The following TMEM225 variants were observed in gnomAD, a reference collection of about 807,000 sequenced individuals.
TMEM225 encodes the protein transmembrane protein 225.
In TMEM225, 10 loss-of-function variants were observed where a neutral mutation model predicts 17.6. That is an observed-to-expected ratio of 0.57 (90% CI 0.35 to 0.96). The LOEUF is 0.96. Ranked by LOEUF, TMEM225 falls within the 40% of genes least tolerant of loss-of-function variation. The pLI is 0.02. For missense variants in TMEM225, 245 were observed against 271.5 expected, an observed-to-expected ratio of 0.90 and a Z score of 0.69; for synonymous variants, 101 against 94.5, an observed-to-expected ratio of 1.07 and a Z score of -0.40.
rs780829965 is a variant in TMEM225, at chr11:123,884,520, G to A, written c.298C>T (p.Leu100Phe). Residue 100 changes from leucine to phenylalanine, a missense_variant, in exon 2 of 4, where the codon CTC (leucine) becomes TTC (phenylalanine). Leu to Phe is a conservative substitution (Grantham distance 22). Coordinates refer to ENST00000375026, the MANE Select transcript of TMEM225 (RefSeq NM_001013743.3). ...YLIPQNKYIQ[L>F]FTTILSFFSG... ...AAGAAACTGAGGATGGTAGTGAAGA[G>A]TTGTATATATTTATTTTGAGGAATC... 3 of 1,612,852 alleles carry A rather than the reference G, an allele frequency of 1.9e-6. No individual in the cohort carries two copies. The highest frequency in any genetic ancestry group is 2.5e-6 in the Non-Finnish European group (3 of 1,179,390).
Position 123,883,034 on chromosome 11 carries a change from C to T in TMEM225, c.*104G>A. On this transcript the variant is annotated 3_prime_UTR_variant, in exon 4 of 4. Coordinates refer to ENST00000375026, the MANE Select transcript of TMEM225 (RefSeq NM_001013743.3). ...ATCTTCCAGATCTTTTTACAAACCC[C>T]AACCATAATTCCAAATAGAGACAAC... 1 of 969,910 alleles carries T rather than the reference C, an allele frequency of 1.0e-6. No individual in the cohort carries two copies. Among genetic ancestry groups the T allele is most frequent in the Non-Finnish European group, 1.5e-6 (1 of 649,268 alleles). The allele number at this position is 969,910 out of a possible 1,614,324, so 60.1% of individuals were successfully genotyped here.
Position 123,884,107 on chromosome 11 carries a change from G to C in TMEM225, c.431C>G (p.Ala144Gly). 6.2e-7 allele frequency: 1 copy of C among 1,610,130 alleles called. No individual in the cohort carries two copies. Among genetic ancestry groups the C allele is most frequent in the Non-Finnish European group, 8.5e-7 (1 of 1,178,638 alleles). The change falls in exon 3 of 4, where the codon GCT (alanine) becomes GGT (glycine). Residue 144 changes from alanine to glycine, a missense_variant. By Grantham distance (60) the Ala-to-Gly change is moderately conservative. Coordinates refer to ENST00000375026, the MANE Select transcript of TMEM225 (RefSeq NM_001013743.3). ...SYRITWIMYT[A>G]YLNVFFLSVC... ...AGACAAGAAGAAAACATTTAAGTAA[G>C]CAGTATACATGATCCAGGTGATCCT...
chr11:123,884,530 T>C lies in TMEM225; in HGVS notation c.288A>G (p.Lys96=), dbSNP rs778457837. 4 of 1,613,098 alleles carry C rather than the reference T, an allele frequency of 2.5e-6. No individual in the cohort carries two copies. The South Asian group carries it at 4.4e-5, about 18-fold the overall frequency. The change falls in exon 2 of 4, where the codon AAA becomes AAG. Residue 96 remains lysine (K), a synonymous_variant. Coordinates refer to ENST00000375026, the MANE Select transcript of TMEM225 (RefSeq NM_001013743.3). The part of the protein sequence containing the change: ...MKFTYLIPQN[K]YIQLFTTILS... ...GGATGGTAGTGAAGAGTTGTATATA[T>C]TTATTTTGAGGAATCAGATAGGTGA...
chr11:123,883,883 G>A (rs1862999603), intron 3 of TMEM225, among the ~76,000 whole-genome samples, 192 bp downstream of exon 3: 1 of 152,110 alleles, frequency 6.6e-6, no homozygotes, highest in East Asian at 1.9e-4. Context: ...GCCAGGCACA[G>A]CAGACATCTC....
intron 2 of TMEM225, 28 bp from the exon 3 acceptor site, chr11:123,884,237 A>G (rs748756551): frequency 2.0e-5 from 31 of 1,552,922 alleles, no homozygotes; most frequent in Admixed American, 4.4e-5. Context: ...AAAAAAAAAA[A>G]AAAAGAAAAA....
In TMEM225 at chr11:123,883,257, A is replaced by G; in HGVS notation, c.559T>C (p.Ser187Pro). ...TCTGGTAATGAAATATCTTCGATAG[A>G]ATTCTCAGATTCCTTACATTCGTTG... ...SDNECKESEN[S>P]IEDISLPECT... Residue 187 changes from serine to proline, a missense_variant, in exon 4 of 4, where the codon TCT (serine) becomes CCT (proline). Coordinates refer to ENST00000375026, the MANE Select transcript of TMEM225 (RefSeq NM_001013743.3). The G allele has an allele frequency of 6.2e-7, 1 of 1,613,392 alleles. No individual in the cohort carries two copies. The highest frequency in any genetic ancestry group is 1.3e-5 in the African/African-American group (1 of 75,004).
rs746548999 is a variant in TMEM225 at position 123,884,147 on chromosome 11, G to T, written c.391C>A (p.His131Asn). The T allele has an allele frequency of 6.2e-7, 1 of 1,609,612 alleles. No individual in the cohort carries two copies. Among genetic ancestry groups the T allele is most frequent in the Non-Finnish European group, 8.5e-7 (1 of 1,178,914 alleles). The change falls in exon 3 of 4, where the codon CAC (histidine) becomes AAC (asparagine). Residue 131 changes from histidine to asparagine, a missense_variant. Coordinates refer to ENST00000375026, the MANE Select transcript of TMEM225 (RefSeq NM_001013743.3). Reference protein sequence around the residue: ...HNKLKQGQSMHFSSYRITWIM... With the variant: ...HNKLKQGQSMNFSSYRITWIM... ...CAGGTGATCCTATAACTAGAGAAGTGCATGGATTGACCTTGCTTCAGCTTA... is the reference window on the plus strand; with the variant it reads ...CAGGTGATCCTATAACTAGAGAAGTTCATGGATTGACCTTGCTTCAGCTTA...
chr11:123,884,222 C>CAAAAA lies in TMEM225; in HGVS notation c.329-18_329-14dup, dbSNP rs61366176. The CAAAAA allele has an allele frequency of 2.9e-3, 3,521 of 1,234,580 alleles. No homozygotes were observed. The highest frequency in any genetic ancestry group is 0.013 in the South Asian group (650 of 49,146). The allele number at this position is 1,234,580 out of a possible 1,614,324, so 76.5% of individuals were successfully genotyped here. A position where few individuals can be genotyped will look rare whatever the true frequency, so the allele number is the denominator to read the frequency against. On this transcript the variant is annotated splice_polypyrimidine_tract_variant and intron_variant, in intron 2 of 3. Transcript: ENST00000375026. ...AGCAGAGAGATACCTGATGTCCAGA[C>CAAAAA]AAAAAAAAAAAAAAAAAAAGAAAAA... is the stretch of plus-strand genomic sequence containing the variant.
chr11:123,884,430 G>A, intron 2 of TMEM225, 60 bp downstream of exon 2: 1 of 1,500,378 alleles, frequency 6.7e-7, no homozygotes, highest in East Asian at 2.3e-5. Context: ...AGAGACTGCA[G>A]CCTGAACCCA....
chr11:123,883,371 A>G lies in TMEM225; in HGVS notation c.464-19T>C, dbSNP rs61908536. On this transcript the variant is annotated intron_variant, in intron 3 of 3. Transcript: ENST00000375026. Reference sequence around the variant, plus strand: ...AGGACTCCTAGGGAAAAGAGATTCCAGGGAGTGGGATGAAGGGACAATGGA... The same window carrying G: ...AGGACTCCTAGGGAAAAGAGATTCCGGGGAGTGGGATGAAGGGACAATGGA... 185,915 of 1,566,708 alleles carry G rather than the reference A, an allele frequency of 0.12. 11,712 individuals are homozygous for G. Among genetic ancestry groups the G allele is most frequent in the Middle Eastern group, 0.15 (866 of 5,930 alleles).
Position 123,885,495 on chromosome 11 carries a change from AC to A in TMEM225, c.-71del. ...GATCTCTTCCTTGATTTGATTAGTT[AC>A]AAGAAGGGTGATATCTGAACTTTCA... On this transcript the variant is annotated 5_prime_UTR_variant, in exon 1 of 4. The change abolishes the stop of an existing upstream ORF in the 5' untranslated region. Transcript: ENST00000375026. The A allele has an allele frequency of 4.1e-6, 6 of 1,446,100 alleles. No individual in the cohort carries two copies. The highest frequency in any genetic ancestry group is 3.8e-6 in the Non-Finnish European group (4 of 1,055,004). 89.6% of individuals were successfully genotyped at this position (1,446,100 alleles called of 1,614,324 possible).
At position 123,883,009 on chromosome 11, in the gene TMEM225, A is replaced by G. The variant is rs1338912731; in HGVS notation, c.*129T>C. 8 of 697,020 alleles carry G rather than the reference A, an allele frequency of 1.1e-5. No homozygotes were observed. The highest frequency in any genetic ancestry group is 3.6e-5 in the African/African-American group (2 of 55,550). 43.2% of individuals were successfully genotyped at this position (697,020 alleles called of 1,614,324 possible). On this transcript the variant is annotated 3_prime_UTR_variant, in exon 4 of 4. Coordinates refer to ENST00000375026, the MANE Select transcript of TMEM225 (RefSeq NM_001013743.3). Reference sequence around the variant, plus strand: ...GCAGGCCAGGATTTTTTAAAAAACCATCTTCCAGATCTTTTTACAAACCCC... The same window carrying G: ...GCAGGCCAGGATTTTTTAAAAAACCGTCTTCCAGATCTTTTTACAAACCCC...
chr11:123,883,041 A>G lies in TMEM225; in HGVS notation c.*97T>C. On this transcript the variant is annotated 3_prime_UTR_variant, in exon 4 of 4. Transcript: ENST00000375026. Reference sequence around the variant, plus strand: ...AGATCTTTTTACAAACCCCAACCATAATTCCAAATAGAGACAACATGGTTG... The same window carrying G: ...AGATCTTTTTACAAACCCCAACCATGATTCCAAATAGAGACAACATGGTTG... The G allele has an allele frequency of 9.7e-7, 1 of 1,033,372 alleles. No homozygotes were observed. Among genetic ancestry groups the G allele is most frequent in the Non-Finnish European group, 1.4e-6 (1 of 698,274 alleles). 64.0% of individuals were successfully genotyped at this position (1,033,372 alleles called of 1,614,324 possible).
chr11:123,885,259 G>C lies in TMEM225; in HGVS notation c.167C>G (p.Ala56Gly), dbSNP rs753406271. Residue 56 changes from alanine (A) to glycine (G), a missense_variant, in exon 1 of 4, where the codon GCT becomes GGT. By Grantham distance (60) the Ala-to-Gly change is moderately conservative (BLOSUM62 0). Coordinates refer to ENST00000375026, the MANE Select transcript of TMEM225 (RefSeq NM_001013743.3). ...ACAGTTCTGACCTTCTGGCCAAAGA[G>C]CAGGGCAACACATCATCCAAGGACT... ...NHSPWMMCCP[A>G]LWPEDDLKVV... 6 of 1,613,196 alleles carry C rather than the reference G, an allele frequency of 3.7e-6. No individual in the cohort carries two copies. Among genetic ancestry groups the C allele is most frequent in the Non-Finnish European group, 5.1e-6 (6 of 1,179,510 alleles).
rs370899900 is a variant in TMEM225, at chr11:123,883,235, G to A, written c.581C>T (p.Pro194Leu). 1.1e-5 allele frequency: 17 copies of A among 1,613,142 alleles called. No homozygotes were observed. The African/African-American group carries it at 1.3e-4, about 13-fold the overall frequency. ...GCTACGAGGCATTGCAGTGCATTCT[G>A]GTAATGAAATATCTTCGATAGAATT... ...SENSIEDISL[P>L]ECTAMPRSIV... The change falls in exon 4 of 4, where the codon CCA (proline) becomes CTA (leucine). Residue 194 changes from proline to leucine, a missense_variant. Physicochemically the swap from Pro to Leu is moderately conservative, Grantham distance 98 (BLOSUM62 -3). Coordinates refer to ENST00000375026, the MANE Select transcript of TMEM225 (RefSeq NM_001013743.3).
chr11:123,884,489 C>G lies in TMEM225; in HGVS notation c.328+1G>C. On this transcript the variant is annotated splice_donor_variant, in intron 2 of 3. Transcript: ENST00000375026. LOFTEE classifies it high-confidence loss of function. Reference sequence around the variant, plus strand: ...TTGTGTTAGGGGAGCCAGGAAGTTACCTGAGAAGAAACTGAGGATGGTAGT... The same window carrying G: ...TTGTGTTAGGGGAGCCAGGAAGTTAGCTGAGAAGAAACTGAGGATGGTAGT... The G allele has an allele frequency of 6.2e-7, 1 of 1,608,230 alleles. No individual in the cohort carries two copies. Among genetic ancestry groups the G allele is most frequent in the Non-Finnish European group, 8.5e-7 (1 of 1,177,372 alleles).
rs997695843 is a variant in TMEM225, at chr11:123,884,713, C to G, written c.182-77G>C. On this transcript the variant is annotated intron_variant, in intron 1 of 3. Coordinates refer to ENST00000375026, the MANE Select transcript of TMEM225 (RefSeq NM_001013743.3). ...ATTTCTACCTGGGGTCCAGAAGTCT[C>G]TAGGTGAAAATTGGAATAGGGTGAA... The G allele has an allele frequency of 6.3e-6, 9 of 1,422,512 alleles. No individual in the cohort carries two copies. The Admixed American group carries it at 1.2e-4, about 19-fold the overall frequency. 88.1% of individuals were successfully genotyped at this position (1,422,512 alleles called of 1,614,324 possible). A position where few individuals can be genotyped will look rare whatever the true frequency, so the allele number is the denominator to read the frequency against.
rs1410648432 is a variant in TMEM225, at chr11:123,883,116, C to G, written c.*22G>C. 6.2e-7 allele frequency: 1 copy of G among 1,602,862 alleles called. No individual in the cohort carries two copies. The highest frequency in any genetic ancestry group is 8.5e-7 in the Non-Finnish European group (1 of 1,170,336). ...CTTTTTCCATAAAGATGAGCATATA[C>G]TGCAAGAAATAGATTGCCAAATCAC... is the stretch of plus-strand genomic sequence containing the variant. On this transcript the variant is annotated 3_prime_UTR_variant, in exon 4 of 4. Transcript: ENST00000375026.
In TMEM225 at chr11:123,883,110, C is replaced by T. The variant is rs1166437015; in HGVS notation, c.*28G>A. 3 of 1,584,796 alleles carry T rather than the reference C, an allele frequency of 1.9e-6. No homozygotes were observed. The highest frequency in any genetic ancestry group is 3.3e-5 in the Admixed American group (2 of 59,832). ...ACAAAGCTTTTTCCATAAAGATGAG[C>T]ATATACTGCAAGAAATAGATTGCCA... On this transcript the variant is annotated 3_prime_UTR_variant, in exon 4 of 4. Transcript: ENST00000375026.
Sources: gnomAD v4.1 joint callset for allele counts (sites outside exome capture counted in the v4.1 genomes callset) on GRCh38, gnomAD v4.1.1 for gene constraint, MANE v1.5 for transcripts, NCBI Gene and HGNC (gene_info 2026-07-23, HGNC 2026-07-21) for gene names.